Variants in RAB2A observed in about 807,000 individuals in gnomAD.
RAB2A encodes RAB2A, member RAS oncogene family.
RAB2A carries 7 observed loss-of-function variants against 32.5 expected under a neutral mutation model. That is an observed-to-expected ratio of 0.22 (90% CI 0.12 to 0.40). The LOEUF is 0.40. Ranked by LOEUF, RAB2A falls within the 10% of genes least tolerant of loss-of-function variation. The pLI, the probability that RAB2A is intolerant of heterozygous loss-of-function variation, is 1.00. For missense variants in RAB2A, 108 were observed against 260.7 expected (o/e 0.41, Z 4.03); for synonymous variants, 79 against 85.2 (o/e 0.93, Z 0.40).
At chr8:60,614,912 C>G (rs867046167) in intron 6 of RAB2A, among the ~76,000 whole-genome samples, 2 of 152,102 alleles carry the variant, frequency 1.3e-5, no homozygotes, top group African/African-American at 4.8e-5. Context: ...AACAGAGCAC[C>G]GGCCACATGG....
intron 5 of RAB2A, among the ~76,000 whole-genome samples, chr8:60,586,799 C>A (rs1586099047): frequency 1.3e-5 from 2 of 151,952 alleles, no homozygotes; most frequent in East Asian, 3.9e-4. Flanking sequence ...CATGCTGGCA[C>A]ACGCCTTTAG....
chr8:60,580,445 A>G (rs1444483729), intron 3 of RAB2A, among the ~76,000 whole-genome samples: 1 of 152,152 alleles, frequency 6.6e-6, no homozygotes, highest in African/African-American at 2.4e-5. Context: ...GGCAAGATTT[A>G]TTTCAAGGCT....
At chr8:60,525,883 T>C (rs905847553) in intron 1 of RAB2A, among the ~76,000 whole-genome samples, 11 of 149,986 alleles carry the variant, frequency 7.3e-5, no homozygotes, top group African/African-American at 2.2e-4. Context: ...AGGGCACTTA[T>C]ATATATATAT....
At chr8:60,586,752 C>CA (rs796152710) in intron 5 of RAB2A, among the ~76,000 whole-genome samples, 3 of 151,866 alleles carry the variant, frequency 2.0e-5, no homozygotes, top group African/African-American at 7.2e-5. Flanking sequence ...CCTATCTCTA[C>CA]AAAAAATAAA....
intron 6 of RAB2A, among the ~76,000 whole-genome samples, chr8:60,601,215 T>TGCTAACATAGTTTTTTCACAAGA (rs148578207): frequency 0.53 from 80,977 of 151,964 alleles, 24,476 homozygotes; most frequent in African/African-American, 0.83. Flanking sequence ...ACTAGATTTT[T>TGCTAACATAGTTTTTTCACAAGA]GCTCTGTATG....
chr8:60,547,539 C>G (rs1398522319), intron 1 of RAB2A, among the ~76,000 whole-genome samples: 4 of 151,226 alleles, frequency 2.6e-5, no homozygotes, highest in Non-Finnish European at 5.9e-5. Context: ...ACTCCCCCCA[C>G]CTCCCTCCTG....
At chr8:60,610,385 C>T (rs1422890353) in intron 6 of RAB2A, among the ~76,000 whole-genome samples, 1 of 152,134 alleles carries the variant, frequency 6.6e-6, no homozygotes, top group East Asian at 1.9e-4. Flanking sequence ...AGTCTGTAGA[C>T]TTTATTTGCA....
intron 6 of RAB2A, among the ~76,000 whole-genome samples, chr8:60,611,200 C>G (rs990521572): frequency 1.3e-5 from 2 of 152,190 alleles, no homozygotes; most frequent in Non-Finnish European, 2.9e-5. Context: ...GTATCGCCCC[C>G]TTGTGATTCA....
intron 7 of RAB2A, 113 bp downstream of exon 7, chr8:60,618,761 A>C: frequency 2.8e-6 from 1 of 362,462 alleles, no homozygotes; most frequent in Non-Finnish European, 4.1e-6. Context: ...AATTCCTAAA[A>C]TCAATCATGA....
chr8:60,545,875 TAAAC>T (rs943036935), intron 1 of RAB2A, among the ~76,000 whole-genome samples: 13 of 152,358 alleles, frequency 8.5e-5, no homozygotes, highest in East Asian at 7.7e-4. Context: ...CATTATTCAT[TAAAC>T]AAATATTCAT....
At position 60,558,993 on chromosome 8, in the gene RAB2A, C is replaced by G; in HGVS notation, c.118+70C>G. The G allele has an allele frequency of 9.1e-6, 10 of 1,096,640 alleles. No individual in the cohort carries two copies. The South Asian group carries it at 1.3e-4, about 14-fold the overall frequency. The allele number at this position is 1,096,640 out of a possible 1,614,324, so 67.9% of individuals were successfully genotyped here. A position where few individuals can be genotyped will look rare whatever the true frequency, so the allele number is the denominator to read the frequency against. ...GTTTAAATGGAAAATGCTAGAAGGT[C>G]CATTCTACTAGTGATGATGCTAAAA... On this transcript the variant is annotated intron_variant, in intron 2 of 7. Coordinates refer to ENST00000262646, the MANE Select transcript of RAB2A (RefSeq NM_002865.3).
intron 2 of RAB2A, among the ~76,000 whole-genome samples, chr8:60,567,540 A>C (rs1399463282): frequency 6.6e-6 from 1 of 152,092 alleles, no homozygotes; most frequent in Non-Finnish European, 1.5e-5. Flanking sequence ...ATTTTTAGTG[A>C]GGCTTTTAAA....
intron 6 of RAB2A, among the ~76,000 whole-genome samples, chr8:60,599,910 A>G (rs377628498): frequency 6.6e-6 from 1 of 152,214 alleles, no homozygotes; most frequent in East Asian, 1.9e-4. Context: ...GTGATAAATT[A>G]GCTTTCAAAA....
chr8:60,554,237 C>G (rs1442553931), intron 1 of RAB2A, among the ~76,000 whole-genome samples: 3 of 152,078 alleles, frequency 2.0e-5, no homozygotes, highest in Admixed American at 6.6e-5. Context: ...TAGTGAGAAC[C>G]AGAACTAGAG....
chr8:60,555,020 A>G (rs1807913799), intron 1 of RAB2A, among the ~76,000 whole-genome samples: 1 of 152,256 alleles, frequency 6.6e-6, no homozygotes, highest in Non-Finnish European at 1.5e-5. Flanking sequence ...TAAGACATCA[A>G]GGAGATAATT....
At chr8:60,559,128 A>G (rs915528760) in intron 2 of RAB2A, 3 of 476,750 alleles carry the variant, frequency 6.3e-6, no homozygotes, top group East Asian at 3.5e-5. Flanking sequence ...TAAAGAAGCT[A>G]CTGCTGAAAG....
chr8:60,622,351 C>G lies in RAB2A; in HGVS notation c.*1582C>G, dbSNP rs1180418432. On this transcript the variant is annotated 3_prime_UTR_variant, in exon 8 of 8. Transcript: ENST00000262646. ...CAGCAGTACTCTCTCAAAGGTTTGA[C>G]AGTACTCTTGTGGGAAATCACCAAA... The G allele has an allele frequency of 6.6e-6, 1 of 152,224 alleles. No homozygotes were observed. Among genetic ancestry groups the G allele is most frequent in the Non-Finnish European group, 1.5e-5 (1 of 68,036 alleles). 9.4% of individuals were successfully genotyped at this position (152,224 alleles called of 1,614,324 possible). A position where few individuals can be genotyped will look rare whatever the true frequency, so the allele number is the denominator to read the frequency against.
chr8:60,543,639 A>G (rs114451834), intron 1 of RAB2A, among the ~76,000 whole-genome samples: 1,888 of 152,282 alleles, frequency 0.012, 39 homozygotes, highest in African/African-American at 0.042. Context: ...TATCTATTCA[A>G]TTTACTACAG....
chr8:60,517,258 G>T lies in RAB2A; in HGVS notation c.46+5G>T. The T allele has an allele frequency of 6.7e-7, 1 of 1,486,380 alleles. No individual in the cohort carries two copies. Among genetic ancestry groups the T allele is most frequent in the Admixed American group, 2.4e-5 (1 of 41,694 alleles). The allele number at this position is 1,486,380 out of a possible 1,614,324, so 92.1% of individuals were successfully genotyped here. On this transcript the variant is annotated splice_donor_5th_base_variant and intron_variant, in intron 1 of 7. Coordinates refer to ENST00000262646, the MANE Select transcript of RAB2A (RefSeq NM_002865.3). ...ACATCATAATCGGCGACACAGGTGA[G>T]GGCCCCGGGCGCGGCCGGGCGGGTG...
Sources: allele counts gnomAD v4.1 joint callset (sites outside exome capture counted in the v4.1 genomes callset), GRCh38; gene constraint gnomAD v4.1.1; transcripts MANE v1.5; gene names NCBI Gene and HGNC (gene_info 2026-07-23, HGNC 2026-07-21).